Variants in ZNF362 observed in about 807,000 individuals in gnomAD.
The protein encoded by ZNF362 is zinc finger protein 362, also known as rotund homolog.
ZNF362 carries 11 observed loss-of-function variants against 42.9 expected under a neutral mutation model. The observed-to-expected ratio is 0.26, with a 90% CI of 0.16 to 0.42. The LOEUF (loss-of-function observed/expected upper bound fraction) is 0.42, where lower values mean the gene tolerates loss of function less well. ZNF362 is among the 20% of genes least tolerant of loss of function. The pLI is 1.00. For missense variants in ZNF362, 362 were observed against 576.2 expected, an observed-to-expected ratio of 0.63 and a Z score of 3.81; for synonymous variants, 255 against 257.3, an observed-to-expected ratio of 0.99 and a Z score of 0.09.
the ZNF362 span, among the ~76,000 whole-genome samples, chr1:33,154,754 C>T: frequency 4.0e-5 from 6 of 148,600 alleles, no homozygotes; most frequent in South Asian, 4.2e-4. Flanking sequence ...GCCGAGATCA[C>T]GCCACTGCAC....
chr1:33,246,549 C>T, the ZNF362 span, among the ~76,000 whole-genome samples: 1 of 152,196 alleles, frequency 6.6e-6, no homozygotes, highest in Non-Finnish European at 1.5e-5. Context: ...ACTGGGTCCC[C>T]AGTTCAGAGG....
chr1:33,158,875 T>C, the ZNF362 span, among the ~76,000 whole-genome samples: 1 of 151,980 alleles, frequency 6.6e-6, no homozygotes, highest in African/African-American at 2.4e-5. Flanking sequence ...AGTTTCGCTC[T>C]TATTGCCCAG....
At chr1:33,238,179 C>T in the ZNF362 span, among the ~76,000 whole-genome samples, 4 of 151,450 alleles carry the variant, frequency 2.6e-5, no homozygotes, top group African/African-American at 4.9e-5. Flanking sequence ...ATTAGCCAGG[C>T]GTGGTGGCAG....
At chr1:33,263,475 A>T (rs1453000909) in intron 1 of ZNF362, among the ~76,000 whole-genome samples, 1 of 151,932 alleles carries the variant, frequency 6.6e-6, no homozygotes, top group Admixed American at 6.6e-5. Flanking sequence ...CAGTGGCACA[A>T]TCTTGGCTCG....
the ZNF362 span, among the ~76,000 whole-genome samples, chr1:33,211,141 G>A: frequency 6.6e-6 from 1 of 152,040 alleles, no homozygotes; most frequent in Non-Finnish European, 1.5e-5. Flanking sequence ...CACCATGTTA[G>A]CCAGGTTGGT....
At chr1:33,147,388 C>T in the ZNF362 span, 30 of 1,614,024 alleles carry the variant, frequency 1.9e-5, no homozygotes, top group Admixed American at 3.3e-5. This position sits in a 1 kb window ranked among gnomAD's most constrained non-coding sequence, Gnocchi z 8.1. Flanking sequence ...GACGTTAAGC[C>T]GCGTCCAGGG....
the ZNF362 span, among the ~76,000 whole-genome samples, chr1:33,152,423 G>A: frequency 6.6e-6 from 1 of 152,058 alleles, no homozygotes; most frequent in Admixed American, 6.6e-5. Context: ...AAAAATTAGC[G>A]GCGCATGGTG....
rs112267442 is a variant in ZNF362, at chr1:33,281,832, C to A, written c.908+21C>A. 1.2e-5 allele frequency: 19 copies of A among 1,609,682 alleles called. 1 individual carries two copies. The African/African-American group carries it at 1.5e-4, about 12-fold the overall frequency. On this transcript the variant is annotated intron_variant, in intron 6 of 8. Coordinates refer to ENST00000539719, the MANE Select transcript of ZNF362 (RefSeq NM_152493.3). The surrounding 1 kb of genome is among the most constrained non-coding windows in gnomAD (Gnocchi z 4.8). ...ACCAGGTGAGTGGCCTGCCTGCTGC[C>A]CTGCTGCAGCCCGACTCAGCTCAGC...
At chr1:33,132,751 G>A in the ZNF362 span, among the ~76,000 whole-genome samples, 519 of 152,306 alleles carry the variant, frequency 3.4e-3, 2 homozygotes, top group African/African-American at 0.012. Context: ...CACATGGCAC[G>A]CACTTGAGTG....
chr1:33,223,482 A>T, the ZNF362 span, among the ~76,000 whole-genome samples: 2 of 152,368 alleles, frequency 1.3e-5, no homozygotes, highest in East Asian at 3.9e-4. Flanking sequence ...CTAAAGCTGC[A>T]TATATTTCTC....
At chr1:33,215,248 G>A in the ZNF362 span, among the ~76,000 whole-genome samples, 1 of 152,104 alleles carries the variant, frequency 6.6e-6, no homozygotes, top group Non-Finnish European at 1.5e-5. Context: ...GGCACAGAAA[G>A]ACAAATTTCT....
chr1:33,178,592 TAGC>T, the ZNF362 span, among the ~76,000 whole-genome samples: 1 of 152,162 alleles, frequency 6.6e-6, no homozygotes, highest in African/African-American at 2.4e-5. Context: ...GAACCTCAAA[TAGC>T]AGGTTAATCC....
chr1:33,193,194 A>G, the ZNF362 span, among the ~76,000 whole-genome samples: 23 of 152,234 alleles, frequency 1.5e-4, no homozygotes, highest in Non-Finnish European at 2.8e-4. Flanking sequence ...GAGCTAGAAA[A>G]GAGCTAGGAA....
At chr1:33,291,549 C>G (rs2148132039) in intron 6 of ZNF362, among the ~76,000 whole-genome samples, 1 of 152,284 alleles carries the variant, frequency 6.6e-6, no homozygotes, top group South Asian at 2.1e-4. Context: ...GCAATGCAGG[C>G]TCTTTTTTGG....
At chr1:33,263,182 A>G (rs939772305) in intron 1 of ZNF362, among the ~76,000 whole-genome samples, 1 of 152,168 alleles carries the variant, frequency 6.6e-6, no homozygotes, top group African/African-American at 2.4e-5. Flanking sequence ...TGTGTCTCAT[A>G]CACACCCTTG....
At position 33,266,178 on chromosome 1, in the gene ZNF362, C is replaced by CT; in HGVS notation, c.-88-4306dup. On this transcript the variant is annotated intron_variant, in intron 1 of 8. Transcript: ENST00000539719. This position sits in a 1 kb window ranked among gnomAD's most constrained non-coding sequence, Gnocchi z 4.3. ...GGGGCAGGGATTATGTTTGAGAAAC[C>CT]TTTGCTCTCCCAGGGAGTTAACAGT... Among the ~76,000 whole-genome samples the CT allele has an allele frequency of 1.3e-5, 2 of 152,328 alleles. No homozygotes were observed. The highest frequency in any genetic ancestry group is 4.1e-4 in the South Asian group (2 of 4,832).
chr1:33,272,716 C>T (rs1222512356), intron 2 of ZNF362, among the ~76,000 whole-genome samples: 1 of 152,118 alleles, frequency 6.6e-6, no homozygotes, highest in Admixed American at 6.5e-5. Flanking sequence ...CTCTGCTTCA[C>T]TGCTCCCCTG....
At chr1:33,290,210 C>T (rs1646066847) in intron 6 of ZNF362, among the ~76,000 whole-genome samples, 1 of 152,102 alleles carries the variant, frequency 6.6e-6, no homozygotes, top group African/African-American at 2.4e-5. Context: ...TCGTCATTTA[C>T]ATTAGGTATA....
the ZNF362 span, among the ~76,000 whole-genome samples, chr1:33,238,381 T>TAAAATAAAATAATAAAATAAAATAAATA: frequency 5.7e-5 from 6 of 105,530 alleles, no homozygotes; most frequent in African/African-American, 1.7e-4. Flanking sequence ...TAAAATAAAA[T>TAAAATAAAATAATAAAATAAAATAAATA]AAATAAAATA....
Sources: allele counts gnomAD v4.1 joint callset (sites outside exome capture counted in the v4.1 genomes callset), GRCh38; gene constraint gnomAD v4.1.1; non-coding constraint Gnocchi (gnomAD v3.1); transcripts MANE v1.5; gene names NCBI Gene and HGNC (gene_info 2026-07-23, HGNC 2026-07-21).